Variants in BRI3BP observed in about 807,000 individuals in gnomAD.
BRI3BP encodes the protein BRI3-binding protein.
In BRI3BP, 7 loss-of-function variants were observed where a neutral mutation model predicts 15.8. That is an observed-to-expected ratio of 0.44 (90% CI 0.25 to 0.83). The LOEUF is 0.83. Ranked by LOEUF, BRI3BP falls within the 40% of genes least tolerant of loss-of-function variation. The pLI is 0.20. For synonymous variants in BRI3BP, 192 were observed against 163.5 expected, an observed-to-expected ratio of 1.17 and a Z score of -1.33; for missense variants, 320 against 339.3, an observed-to-expected ratio of 0.94 and a Z score of 0.45.
At chr12:125,037,825 AAG>A in the BRI3BP span, among the ~76,000 whole-genome samples, 2 of 151,796 alleles carry the variant, frequency 1.3e-5, no homozygotes, top group African/African-American at 2.4e-5. Context: ...AAAAAAAAAA[AAG>A]AAAAGAAAAG....
the BRI3BP span, among the ~76,000 whole-genome samples, chr12:125,040,265 A>G: frequency 5.3e-5 from 8 of 151,974 alleles, no homozygotes; most frequent in Non-Finnish European, 1.0e-4. Flanking sequence ...CATCTCAAAA[A>G]AAAAAAAAAG....
chr12:125,048,883 G>C, the BRI3BP span, among the ~76,000 whole-genome samples: 3 of 152,124 alleles, frequency 2.0e-5, no homozygotes, highest in Non-Finnish European at 1.5e-5. Context: ...CCATAGCCAA[G>C]TAGAGGTGAT....
At chr12:124,996,798 G>T (rs1291168486) in intron 1 of BRI3BP, among the ~76,000 whole-genome samples, 10 of 132,696 alleles carry the variant, frequency 7.5e-5, no homozygotes, top group African/African-American at 2.9e-4. Context: ...TTGCTTTGTC[G>T]CCCAGGCTGG....
chr12:125,014,061 G>C (rs1955218976), intron 2 of BRI3BP, among the ~76,000 whole-genome samples: 1 of 152,160 alleles, frequency 6.6e-6, no homozygotes, highest in African/African-American at 2.4e-5. Flanking sequence ...TTTATACCCA[G>C]AGGAGACCTT....
chr12:125,009,732 C>T (rs10846805), intron 1 of BRI3BP, among the ~76,000 whole-genome samples: 21,041 of 152,136 alleles, frequency 0.14, 1,556 homozygotes, highest in Admixed American at 0.16. Context: ...CCACCGTGCC[C>T]AGCCTCTATA....
chr12:125,000,942 T>TA (rs777774477), intron 1 of BRI3BP, among the ~76,000 whole-genome samples: 2 of 152,228 alleles, frequency 1.3e-5, no homozygotes, highest in East Asian at 1.9e-4. Flanking sequence ...TTATAGCTCA[T>TA]AAAAAATCCA....
rs1418001710 is a variant in BRI3BP at position 125,029,739 on chromosome 12, G to A, written c.*4309G>A. 1 of 151,914 alleles carries A rather than the reference G, an allele frequency of 6.6e-6. No individual in the cohort carries two copies. Among genetic ancestry groups the A allele is most frequent in the African/African-American group, 2.4e-5 (1 of 41,328 alleles). The allele number at this position is 151,914 out of a possible 1,614,324, so 9.4% of individuals were successfully genotyped here. On this transcript the variant is annotated 3_prime_UTR_variant, in exon 3 of 3. Coordinates refer to ENST00000341446, the MANE Select transcript of BRI3BP (RefSeq NM_080626.6). ...CGTGCCTGTGTCTTAATTCACAAAGGGTAAGTGAATGCCGTTGAAAGGTGT... is the reference window on the plus strand; with the variant it reads ...CGTGCCTGTGTCTTAATTCACAAAGAGTAAGTGAATGCCGTTGAAAGGTGT...
At chr12:125,022,838 AATG>A (rs1955312831) in intron 2 of BRI3BP, among the ~76,000 whole-genome samples, 1 of 152,140 alleles carries the variant, frequency 6.6e-6, no homozygotes, top group African/African-American at 2.4e-5. Flanking sequence ...ATATTCTTAG[AATG>A]ATGATAGTAT....
intron 2 of BRI3BP, among the ~76,000 whole-genome samples, chr12:125,013,570 G>T (rs1955215092): frequency 6.6e-6 from 1 of 152,182 alleles, no homozygotes; most frequent in Non-Finnish European, 1.5e-5. Context: ...CTTACTTTCT[G>T]TCCAGTCCCT....
chr12:125,045,894 G>A, the BRI3BP span, among the ~76,000 whole-genome samples: 1 of 152,160 alleles, frequency 6.6e-6, no homozygotes, highest in Non-Finnish European at 1.5e-5. Context: ...GCTGAACACG[G>A]TGACTCACTC....
intron 2 of BRI3BP, among the ~76,000 whole-genome samples, chr12:125,013,465 A>G (rs1412091153): frequency 1.3e-5 from 2 of 152,250 alleles, no homozygotes; most frequent in African/African-American, 4.8e-5. Flanking sequence ...ATGTGGGTGC[A>G]GGGACCCTTG....
In BRI3BP at chr12:124,993,967, C is replaced by T. The variant is rs1382717239; in HGVS notation, c.177C>T (p.Ser59=). The T allele has an allele frequency of 2.9e-6, 4 of 1,364,440 alleles. No homozygotes were observed. The highest frequency in any genetic ancestry group is 1.5e-5 in the African/African-American group (1 of 65,694). 84.5% of individuals were successfully genotyped at this position (1,364,440 alleles called of 1,614,324 possible). A position where few individuals can be genotyped will look rare whatever the true frequency, so the allele number is the denominator to read the frequency against. The change falls in exon 1 of 3, where the codon AGC becomes AGT. Residue 59 remains serine, a synonymous_variant. Transcript: ENST00000341446. ...ACACCTTCTCCCAGAGCGTCAGCAG[C>T]CTGTTCGGCGAGGACAACGTGCGCG... ...TVNTFSQSVS[S]LFGEDNVRAA...
intron 2 of BRI3BP, among the ~76,000 whole-genome samples, chr12:125,016,578 T>C (rs1160816760): frequency 6.6e-6 from 1 of 151,908 alleles, no homozygotes; most frequent in Admixed American, 6.6e-5. Flanking sequence ...CAAGCTGAAG[T>C]GCAATGGCGC....
downstream of BRI3BP, among the ~76,000 whole-genome samples, chr12:125,034,601 T>G (rs149323556): frequency 9.5e-4 from 145 of 152,086 alleles, no homozygotes; most frequent in African/African-American, 2.6e-3. Flanking sequence ...TTTTTTTTTT[T>G]GGGCTGGGGA....
chr12:125,015,474 A>G (rs1321864024), intron 2 of BRI3BP, among the ~76,000 whole-genome samples: 1 of 152,158 alleles, frequency 6.6e-6, no homozygotes, highest in Non-Finnish European at 1.5e-5. Flanking sequence ...CCTTGATTTC[A>G]GACTTCCAGC....
At chr12:125,009,721 G>A (rs1955180940) in intron 1 of BRI3BP, among the ~76,000 whole-genome samples, 1 of 152,166 alleles carries the variant, frequency 6.6e-6, no homozygotes, top group African/African-American at 2.4e-5. Context: ...ATAGGTGTGA[G>A]CCACCGTGCC....
At chr12:125,047,493 A>G in the BRI3BP span, among the ~76,000 whole-genome samples, 1 of 150,916 alleles carries the variant, frequency 6.6e-6, no homozygotes, top group African/African-American at 2.4e-5. Flanking sequence ...TTTTTTTTCA[A>G]GACAGGGTCT....
intron 2 of BRI3BP, among the ~76,000 whole-genome samples, chr12:125,024,258 A>ACCCCCCC (rs67780786): frequency 2.9e-4 from 39 of 134,934 alleles, no homozygotes; most frequent in Non-Finnish European, 4.6e-4. Flanking sequence ...ATCTCATGAA[A>ACCCCCCC]CCCCCCCCCC....
At chr12:125,021,366 C>T (rs1955297190) in intron 2 of BRI3BP, among the ~76,000 whole-genome samples, 1 of 152,196 alleles carries the variant, frequency 6.6e-6, no homozygotes, top group African/African-American at 2.4e-5. Flanking sequence ...CTCAGGCCTG[C>T]TCTGGATTTG....
Sources: gnomAD v4.1 joint callset for allele counts (sites outside exome capture counted in the v4.1 genomes callset) on GRCh38, gnomAD v4.1.1 for gene constraint, MANE v1.5 for transcripts, NCBI Gene and HGNC (gene_info 2026-07-23, HGNC 2026-07-21) for gene names.